KCNN3: variants seen among roughly 807,000 people sequenced by gnomAD.
The protein encoded by KCNN3 is potassium calcium-activated channel subfamily N member 3.
KCNN3 carries 16 observed loss-of-function variants against 62.9 expected under a neutral mutation model. The ratio of observed to expected loss-of-function variants is 0.25; its 90% CI spans 0.17 to 0.39. The LOEUF (loss-of-function observed/expected upper bound fraction) is 0.39, where lower values mean the gene tolerates loss of function less well. Among genes scored for constraint, KCNN3 ranks in the 10% least tolerant of loss-of-function variants. The pLI is 1.00. For missense variants in KCNN3, 599 were observed against 949.4 expected (o/e 0.63, Z 4.85); for synonymous variants, 370 against 389.2 (o/e 0.95, Z 0.58).
chr1:154,794,788 C>A (rs1018841363), intron 2 of KCNN3, among the ~76,000 whole-genome samples: 3 of 152,090 alleles, frequency 2.0e-5, no homozygotes, highest in Non-Finnish European at 4.4e-5. Flanking sequence ...ACTTTGAGCC[C>A]ATCTAGAAAG....
At chr1:154,731,150 G>C (rs913961740) in intron 4 of KCNN3, among the ~76,000 whole-genome samples, 1 of 152,224 alleles carries the variant, frequency 6.6e-6, no homozygotes, top group Non-Finnish European at 1.5e-5. Context: ...AGCTGGTTCT[G>C]AGGCACAAAG....
intron 3 of KCNN3, among the ~76,000 whole-genome samples, chr1:154,738,879 T>C (rs966476635): frequency 6.6e-6 from 1 of 152,242 alleles, no homozygotes; most frequent in African/African-American, 2.4e-5. Flanking sequence ...CAACTATGAA[T>C]AGAGTCAAAT....
At position 154,700,054 on chromosome 1, in the gene KCNN3, T is replaced by A. The variant is rs929340789; in HGVS notation, c.*7922A>T. On this transcript the variant is annotated 3_prime_UTR_variant, in exon 8 of 8. Coordinates refer to ENST00000271915, the MANE Select transcript of KCNN3 (RefSeq NM_002249.6). ...AGTGGAATTTAAAGATGCATTTTTT[T>A]AATCCTTATGATCATTCAGGACCTT... 1.3e-5 allele frequency: 2 copies of A among 152,242 alleles called. No homozygotes were observed. The highest frequency in any genetic ancestry group is 3.8e-4 in the East Asian group (2 of 5,202). 9.4% of individuals were successfully genotyped at this position (152,242 alleles called of 1,614,324 possible).
At chr1:154,716,265 C>A (rs1225286985) in intron 5 of KCNN3, among the ~76,000 whole-genome samples, 4 of 152,250 alleles carry the variant, frequency 2.6e-5, no homozygotes, top group Non-Finnish European at 5.9e-5. Flanking sequence ...AGAAAACATT[C>A]CTTATTAAGC....
chr1:154,710,626 G>T, intron 7 of KCNN3, among the ~76,000 whole-genome samples: 2 of 152,208 alleles, frequency 1.3e-5, no homozygotes, highest in East Asian at 3.8e-4. Context: ...AAGAGGCCGT[G>T]GGTGGCACTG....
intron 3 of KCNN3, among the ~76,000 whole-genome samples, chr1:154,761,240 G>A (rs1231069501): frequency 1.3e-5 from 2 of 152,148 alleles, no homozygotes; most frequent in African/African-American, 4.8e-5. Context: ...TGAGGCGGGC[G>A]GATCACCTGA....
At chr1:154,771,928 C>T (rs530088465) in intron 3 of KCNN3, 47 bp downstream of exon 3, 1 of 1,597,042 alleles carries the variant, frequency 6.3e-7, no homozygotes, top group South Asian at 1.1e-5. Context: ...TCCTCCCTTC[C>T]CTGTCCCAGC....
At chr1:154,851,871 C>T (rs1018691600) in intron 1 of KCNN3, among the ~76,000 whole-genome samples, 47 of 152,212 alleles carry the variant, frequency 3.1e-4, no homozygotes, top group Non-Finnish European at 6.3e-4. Flanking sequence ...ACTCCAAGCC[C>T]TCCTCTTGCT....
Position 154,726,030 on chromosome 1 carries a change from C to G in KCNN3, c.1591-4G>C. On this transcript the variant is annotated splice_region_variant and splice_polypyrimidine_tract_variant and intron_variant, in intron 4 of 7. Coordinates refer to ENST00000271915, the MANE Select transcript of KCNN3 (RefSeq NM_002249.6). ...CAAGGGCAGTGCAGCCTGCACCCTG[C>G]GGGGGGACATCAAGAGGACCAGAGG... 1.2e-6 allele frequency: 2 copies of G among 1,609,224 alleles called. No individual in the cohort carries two copies. The highest frequency in any genetic ancestry group is 1.7e-6 in the Non-Finnish European group (2 of 1,176,014).
At chr1:154,712,865 C>T (rs371798377) in intron 7 of KCNN3, among the ~76,000 whole-genome samples, 14 of 152,050 alleles carry the variant, frequency 9.2e-5, no homozygotes, top group East Asian at 1.9e-4. Flanking sequence ...AGAGTGATGG[C>T]GAGCCTTACA....
intron 1 of KCNN3, among the ~76,000 whole-genome samples, chr1:154,831,058 C>A (rs577286539): frequency 1.3e-3 from 203 of 152,266 alleles, no homozygotes; most frequent in Non-Finnish European, 2.4e-3. Context: ...AGATTCCATG[C>A]GATTCAATCA....
intron 3 of KCNN3, among the ~76,000 whole-genome samples, chr1:154,743,651 G>A (rs1003422182): frequency 1.2e-4 from 19 of 152,182 alleles, no homozygotes; most frequent in Admixed American, 1.2e-3. Flanking sequence ...CTTTTCCTAG[G>A]GATCTGTGAT....
At chr1:154,714,742 T>C (rs1700197817) in intron 6 of KCNN3, 134 bp downstream of exon 6, 1 of 1,243,414 alleles carries the variant, frequency 8.0e-7, no homozygotes, top group South Asian at 1.2e-5. Context: ...AGTCAGTGAG[T>C]GATCAGACCC....
intron 2 of KCNN3, among the ~76,000 whole-genome samples, chr1:154,812,910 A>T (rs550018905): frequency 6.6e-6 from 1 of 152,242 alleles, no homozygotes; most frequent in Non-Finnish European, 1.5e-5. Flanking sequence ...AACACAAACC[A>T]GGTCAGTCAT....
intron 2 of KCNN3, among the ~76,000 whole-genome samples, chr1:154,801,472 T>C (rs1219334579): frequency 6.6e-6 from 1 of 152,032 alleles, no homozygotes; most frequent in Admixed American, 6.6e-5. Context: ...CATCCATTCT[T>C]CCCCAAGAGC....
chr1:154,853,092 G>A lies in KCNN3; in HGVS notation c.933+15940C>T, dbSNP rs796413950. 1.5e-4 allele frequency among the ~76,000 whole-genome samples: 23 copies of A among 151,520 alleles called. 1 individual carries two copies. Among genetic ancestry groups the A allele is most frequent in the African/African-American group, 5.6e-4 (23 of 41,274 alleles). On this transcript the variant is annotated intron_variant, in intron 1 of 7. Coordinates refer to ENST00000271915, the MANE Select transcript of KCNN3 (RefSeq NM_002249.6). ...GCATCCTCGAATTCCTGGGCTTACGGGATCTTCCCACCCCAGCCACCCAAG... is the reference window on the plus strand; with the variant it reads ...GCATCCTCGAATTCCTGGGCTTACGAGATCTTCCCACCCCAGCCACCCAAG...
chr1:154,731,524 G>A (rs895705413), intron 4 of KCNN3, among the ~76,000 whole-genome samples: 1 of 152,194 alleles, frequency 6.6e-6, no homozygotes, highest in South Asian at 2.1e-4. Context: ...CCAACAAGAC[G>A]GAGTGGGGTG....
chr1:154,826,231 A>C (rs1651124354), intron 1 of KCNN3, among the ~76,000 whole-genome samples: 1 of 152,218 alleles, frequency 6.6e-6, no homozygotes, highest in Non-Finnish European at 1.5e-5. Context: ...TTTAGTGTAG[A>C]AAAAGACTGA....
At chr1:154,769,339 C>T (rs1648446258) in intron 3 of KCNN3, among the ~76,000 whole-genome samples, 4 of 152,164 alleles carry the variant, frequency 2.6e-5, no homozygotes, top group South Asian at 4.1e-4. Context: ...ATGGCCTTTT[C>T]GCAAGAGAAG....
Sources: allele counts gnomAD v4.1 joint callset (sites outside exome capture counted in the v4.1 genomes callset), GRCh38; gene constraint gnomAD v4.1.1; transcripts MANE v1.5; gene names NCBI Gene and HGNC (gene_info 2026-07-23, HGNC 2026-07-21).